The following C19orf38 variants were observed in gnomAD, a reference collection of about 807,000 sequenced individuals.
The protein encoded by C19orf38 is chromosome 19 open reading frame 38, also known as protein HIDE1.
Under a neutral mutation model 26.6 loss-of-function variants are expected in C19orf38, and 14 were observed. The observed-to-expected ratio is 0.53, with a 90% CI of 0.35 to 0.82. The LOEUF is 0.82. Among genes scored for constraint, C19orf38 ranks in the 40% least tolerant of loss-of-function variants. The pLI, the probability that C19orf38 is intolerant of heterozygous loss-of-function variation, is 0.01. For synonymous variants in C19orf38, 132 were observed against 128.5 expected (o/e 1.03, Z -0.18); for missense variants, 261 against 299.5 (o/e 0.87, Z 0.95).
At position 10,865,563 on chromosome 19, in the gene C19orf38, T is replaced by G. The variant is rs376195102; in HGVS notation, c.543+2356T>G. On this transcript the variant is annotated intron_variant, in intron 6 of 6. Coordinates refer to ENST00000397820, the MANE Select transcript of C19orf38 (RefSeq NM_001136482.3). ...GGGAAGATTGCTTGAGCCTGGGAGG[T>G]TGAGTCTGCAGTGAGCTATGATTGC... Among the ~76,000 whole-genome samples, 56 of 151,996 alleles carry G rather than the reference T, an allele frequency of 3.7e-4. 3 individuals carry two copies. In the South Asian group the frequency reaches 0.011, roughly 30 times the overall value.
chr19:10,869,119 C>G, intron 6 of C19orf38, 99 bp from the exon 7 acceptor site: 1 of 1,463,770 alleles, frequency 6.8e-7, no homozygotes, highest in Non-Finnish European at 9.3e-7. Context: ...GAGAGGAGAC[C>G]TGCTGGGCTG....
At chr19:10,863,877 C>T (rs921800840) in intron 6 of C19orf38, among the ~76,000 whole-genome samples, 3 of 152,108 alleles carry the variant, frequency 2.0e-5, no homozygotes, top group Admixed American at 6.6e-5. Context: ...TGAGGCATTG[C>T]ACTCCAGCCT....
At chr19:10,848,280 A>G (rs1033844193), upstream of C19orf38, 1 of 529,912 alleles carries the variant, frequency 1.9e-6, no homozygotes, top group Non-Finnish European at 3.4e-6. Context: ...CAGAACCGCA[A>G]CCAGAGAGGT....
chr19:10,842,138 G>A, intron 1 of C19orf38: 1 of 1,582,628 alleles, frequency 6.3e-7, no homozygotes, highest in Non-Finnish European at 8.7e-7. Context: ...CATTCACTCA[G>A]GCCCAGATGA....
rs1056297778 is a variant in C19orf38 at position 10,863,192 on chromosome 19, G to A, written c.528G>A (p.Leu176=). 1 of 1,551,468 alleles carries A rather than the reference G, an allele frequency of 6.4e-7. No individual in the cohort carries two copies. Among genetic ancestry groups the A allele is most frequent in the Non-Finnish European group, 8.7e-7 (1 of 1,146,872 alleles). The change falls in exon 6 of 7, where the codon CTG becomes CTA. Residue 176 remains leucine (L), a synonymous_variant. Coordinates refer to ENST00000397820, the MANE Select transcript of C19orf38 (RefSeq NM_001136482.3). ...DSTDMSFDNS[L]FTVSAKTMPE... The stretch of plus-strand genomic sequence containing the variant: ...CAGACATGTCCTTCGATAACTCCCT[G>A]TTTACCGTCTCCGCGGTGAGTGGTT...
chr19:10,836,957 G>C (rs773596368), intron 1 of C19orf38, among the ~76,000 whole-genome samples: 1 of 152,148 alleles, frequency 6.6e-6, no homozygotes, highest in African/African-American at 2.4e-5. Context: ...GTAGCCTCGG[G>C]TCAGAAAAAC....
chr19:10,856,250 C>T lies in C19orf38; in HGVS notation c.341-15C>T. 2 of 1,547,498 alleles carry T rather than the reference C, an allele frequency of 1.3e-6. No homozygotes were observed. The highest frequency in any genetic ancestry group is 8.7e-7 in the Non-Finnish European group (1 of 1,143,424). ...GACACTGACCTGCCCACTCTCTTTT[C>T]TGATTTTCCTCCAGTGCCCACTTGG... On this transcript the variant is annotated splice_polypyrimidine_tract_variant and intron_variant, in intron 2 of 6. Coordinates refer to ENST00000397820, the MANE Select transcript of C19orf38 (RefSeq NM_001136482.3).
At chr19:10,851,166 G>C (rs899740657) in intron 2 of C19orf38, among the ~76,000 whole-genome samples, 1 of 152,118 alleles carries the variant, frequency 6.6e-6, no homozygotes, top group Non-Finnish European at 1.5e-5. Flanking sequence ...CGATTCTTCT[G>C]CCTCAGCCTC....
At chr19:10,859,541 C>T (rs180703565) in intron 4 of C19orf38, among the ~76,000 whole-genome samples, 80 of 151,350 alleles carry the variant, frequency 5.3e-4, no homozygotes, top group African/African-American at 1.8e-3. Flanking sequence ...TGCCACCACA[C>T]CTGGCTAATT....
chr19:10,850,458 C>T lies in C19orf38; in HGVS notation c.231C>T (p.Gly77=). Reference sequence around the variant, plus strand: ...GGGTGACATTTAACCTGAGCGGCGGCAGCAGCAAGGCTCCAGGGGGACCCT... The same window carrying T: ...GGGTGACATTTAACCTGAGCGGCGGTAGCAGCAAGGCTCCAGGGGGACCCT... ...QRGVTFNLSG[G]SSKAPGGPFH... is the part of the protein sequence containing the mutation. The change falls in exon 2 of 7, where the codon GGC becomes GGT. Residue 77 remains glycine (G), a synonymous_variant. Transcript: ENST00000397820. 6.4e-7 allele frequency: 1 copy of T among 1,551,478 alleles called. No homozygotes were observed. The highest frequency in any genetic ancestry group is 8.7e-7 in the Non-Finnish European group (1 of 1,146,892).
At chr19:10,868,753 ACCTC>A (rs2073775916) in intron 6 of C19orf38, among the ~76,000 whole-genome samples, 1 of 151,998 alleles carries the variant, frequency 6.6e-6, no homozygotes, top group Non-Finnish European at 1.5e-5. Context: ...TGATCCACCC[ACCTC>A]GGTCTCCCAA....
At position 10,859,794 on chromosome 19, in the gene C19orf38, A is replaced by G; in HGVS notation, c.462-121A>G. The G allele has an allele frequency of 7.3e-6, 6 of 818,032 alleles. No homozygotes were observed. The South Asian group carries it at 9.2e-5, about 13-fold the overall frequency. 50.7% of individuals were successfully genotyped at this position (818,032 alleles called of 1,614,324 possible). ...CTTCTGTGGGGAAGACCCATGGGTC[A>G]GTGGGTGGGGAGCAAAGGCTACATT... is the stretch of plus-strand genomic sequence containing the variant. On this transcript the variant is annotated intron_variant, in intron 4 of 6. Coordinates refer to ENST00000397820, the MANE Select transcript of C19orf38 (RefSeq NM_001136482.3).
chr19:10,843,542 C>T (rs2073494060), upstream of C19orf38, among the ~76,000 whole-genome samples: 1 of 152,226 alleles, frequency 6.6e-6, no homozygotes, highest in South Asian at 2.1e-4. Flanking sequence ...AGGACAGGAG[C>T]CATTTTCATT....
At chr19:10,846,843 G>A (rs1345595238), upstream of C19orf38, among the ~76,000 whole-genome samples, 1 of 152,216 alleles carries the variant, frequency 6.6e-6, no homozygotes, top group East Asian at 1.9e-4. Flanking sequence ...AATTTAGCTA[G>A]GGGATTGTTC....
intron 5 of C19orf38, among the ~76,000 whole-genome samples, chr19:10,861,764 G>A (rs1250936722): frequency 1.3e-5 from 2 of 151,470 alleles, no homozygotes; most frequent in African/African-American, 4.9e-5. Context: ...TTTTAGTAGA[G>A]GTAGGGTTTC....
chr19:10,866,425 C>T (rs1348100275), intron 6 of C19orf38, among the ~76,000 whole-genome samples: 4 of 144,080 alleles, frequency 2.8e-5, no homozygotes, highest in African/African-American at 7.8e-5. Context: ...AGGCTAGTCT[C>T]GAACTCCTGA....
intron 1 of C19orf38, among the ~76,000 whole-genome samples, chr19:10,842,520 A>G (rs977078362): frequency 1.3e-5 from 2 of 152,084 alleles, no homozygotes; most frequent in African/African-American, 2.4e-5. Context: ...TTGGCCTCCC[A>G]AAGTGCTGGG....
intron 3 of C19orf38, 26 bp downstream of exon 3, chr19:10,856,383 C>T (rs1484744180): frequency 6.5e-7 from 1 of 1,534,202 alleles, no homozygotes; most frequent in Admixed American, 2.0e-5. Context: ...GCCTGGCACA[C>T]AAGTTGCCAG....
At chr19:10,852,006 G>T (rs2146255302) in intron 2 of C19orf38, among the ~76,000 whole-genome samples, 1 of 151,060 alleles carries the variant, frequency 6.6e-6, no homozygotes, top group South Asian at 2.1e-4. Flanking sequence ...ACAAAAAATA[G>T]CTGGGTGTGG....
Sources: gnomAD v4.1 joint callset for allele counts (sites outside exome capture counted in the v4.1 genomes callset) on GRCh38, gnomAD v4.1.1 for gene constraint, MANE v1.5 for transcripts, NCBI Gene and HGNC (gene_info 2026-07-23, HGNC 2026-07-21) for gene names.